The following VWA8 variants were observed in gnomAD, a reference collection of about 807,000 sequenced individuals.
The protein encoded by VWA8 is von Willebrand factor A domain-containing protein 8.
A neutral mutation model predicts 241.5 loss-of-function variants in VWA8; 221 were observed. The observed-to-expected ratio is 0.91, with a 90% confidence interval of 0.82 to 1.02. The LOEUF (loss-of-function observed/expected upper bound fraction) is 1.02. Ranked by LOEUF, VWA8 falls within the 50% of genes least tolerant of loss-of-function variation. VWA8 has a pLI of 0.00. For synonymous variants in VWA8, 852 were observed against 827.1 expected, an observed-to-expected ratio of 1.03 and a Z score of -0.52; for missense variants, 2,322 against 2,328.7, an observed-to-expected ratio of 1.00 and a Z score of 0.06.
intron 4 of VWA8, 121 bp downstream of exon 4, chr13:41,907,465 T>TAG: frequency 1.3e-6 from 1 of 767,542 alleles, no homozygotes; most frequent in Non-Finnish European, 2.1e-6. Flanking sequence ...TAAATCTGTC[T>TAG]AGAGAGAGCA....
At chr13:41,677,497 C>T (rs553159760) in intron 35 of VWA8, among the ~76,000 whole-genome samples, 2 of 152,246 alleles carry the variant, frequency 1.3e-5, no homozygotes, top group South Asian at 4.1e-4. Flanking sequence ...AACAATATGA[C>T]TTATTTGGGG....
rs368406393 is a variant in VWA8, at chr13:41,873,545, G to A, written c.1081-5068C>T. On this transcript the variant is annotated intron_variant, in intron 9 of 44. Transcript: ENST00000379310. ...GAAATACAAACTACCATCAGAGAAT[G>A]CTACAAACACCTCTACGCAAATAAA... Among the ~76,000 whole-genome samples, 63 of 152,100 alleles carry A rather than the reference G, an allele frequency of 4.1e-4. No homozygotes were observed. In the East Asian group the frequency reaches 0.011, roughly 27 times the overall value.
intron 40 of VWA8, among the ~76,000 whole-genome samples, chr13:41,600,446 T>C (rs2044513905): frequency 6.6e-6 from 1 of 152,104 alleles, no homozygotes; most frequent in African/African-American, 2.4e-5. Flanking sequence ...CTGTGACATG[T>C]AGACGTTCCT....
At chr13:41,902,222 A>G (rs1465330664) in intron 4 of VWA8, among the ~76,000 whole-genome samples, 9 of 152,270 alleles carry the variant, frequency 5.9e-5, no homozygotes, top group Admixed American at 1.3e-4. Context: ...ACTAAAAATC[A>G]TATCTTTGAG....
At chr13:41,847,105 G>T (rs977155076) in intron 12 of VWA8, among the ~76,000 whole-genome samples, 1 of 152,096 alleles carries the variant, frequency 6.6e-6, no homozygotes, top group African/African-American at 2.4e-5. Flanking sequence ...AAGAGAGAAA[G>T]AGAGAGAACC....
At chr13:41,616,233 A>G (rs2044619324) in intron 37 of VWA8, among the ~76,000 whole-genome samples, 1 of 152,154 alleles carries the variant, frequency 6.6e-6, no homozygotes, top group African/African-American at 2.4e-5. Flanking sequence ...TAAAATCAAG[A>G]CAACTTCTAC....
chr13:41,614,811 C>T (rs899121528), intron 38 of VWA8, among the ~76,000 whole-genome samples, 165 bp downstream of exon 38: 8 of 152,138 alleles, frequency 5.3e-5, no homozygotes, highest in African/African-American at 1.2e-4. Context: ...CTTCACATGC[C>T]TTGATGTCAC....
chr13:41,725,526 T>C (rs1006088363), intron 24 of VWA8, among the ~76,000 whole-genome samples: 1 of 152,108 alleles, frequency 6.6e-6, no homozygotes, highest in African/African-American at 2.4e-5. Context: ...GGGTCACATA[T>C]GTGTATACTG....
chr13:41,698,830 G>T (rs540149987), intron 29 of VWA8, among the ~76,000 whole-genome samples: 1 of 152,096 alleles, frequency 6.6e-6, no homozygotes, highest in African/African-American at 2.4e-5. Flanking sequence ...GATGTCAATA[G>T]TGTCGAGGTT....
intron 37 of VWA8, among the ~76,000 whole-genome samples, chr13:41,615,395 C>T (rs1566388520): frequency 6.6e-6 from 1 of 152,122 alleles, no homozygotes; most frequent in Non-Finnish European, 1.5e-5. Flanking sequence ...TGAGACTTAC[C>T]AGATGCAGGG....
chr13:41,623,890 T>C (rs1242073484), intron 37 of VWA8, among the ~76,000 whole-genome samples: 6 of 152,112 alleles, frequency 3.9e-5, no homozygotes, highest in Non-Finnish European at 4.4e-5. Context: ...GAAATTTCTT[T>C]CATAGGCATA....
chr13:41,780,751 T>A (rs1007725487), intron 19 of VWA8, among the ~76,000 whole-genome samples: 4 of 152,166 alleles, frequency 2.6e-5, no homozygotes, highest in African/African-American at 9.7e-5. Context: ...CTCCTAATAC[T>A]TTAGGAACAA....
chr13:41,586,162 TAA>T (rs59043149), intron 42 of VWA8, among the ~76,000 whole-genome samples: 5,680 of 135,134 alleles, frequency 0.042, 231 homozygotes, highest in African/African-American at 0.11. Flanking sequence ...CCATAAAGCA[TAA>T]AAAAAAAAAA....
chr13:41,846,095 A>C lies in VWA8; in HGVS notation c.1426-12564T>G, dbSNP rs1337965495. On this transcript the variant is annotated intron_variant, in intron 12 of 44. Transcript: ENST00000379310. ...AGGTCTCCCTACATTGTCCTGGCTA[A>C]CTATTCATAAGCACTAATAGTGTAC... 4.0e-5 allele frequency among the ~76,000 whole-genome samples: 6 copies of C among 151,834 alleles called. No individual in the cohort carries two copies. In the East Asian group the frequency reaches 9.6e-4, roughly 24 times the overall value.
chr13:41,662,598 A>C (rs2044958036), intron 37 of VWA8, among the ~76,000 whole-genome samples: 1 of 151,112 alleles, frequency 6.6e-6, no homozygotes, highest in African/African-American at 2.4e-5. Context: ...TGTTGTTTGC[A>C]AATAGGGACA....
intron 37 of VWA8, among the ~76,000 whole-genome samples, chr13:41,631,858 A>G (rs1284303674): frequency 6.6e-6 from 1 of 152,176 alleles, no homozygotes; most frequent in Non-Finnish European, 1.5e-5. Context: ...GGTTTACTGC[A>G]TGGAAATGCA....
intron 12 of VWA8, among the ~76,000 whole-genome samples, chr13:41,836,939 G>C (rs1871759302): frequency 6.6e-6 from 1 of 152,062 alleles, no homozygotes; most frequent in African/African-American, 2.4e-5. Flanking sequence ...TTTCTTAGAA[G>C]ACTAGCTCAG....
intron 27 of VWA8, 62 bp downstream of exon 27, chr13:41,703,241 G>A (rs2045261210): frequency 7.6e-7 from 1 of 1,311,494 alleles, no homozygotes; most frequent in Non-Finnish European, 1.1e-6. Context: ...ATTATCTCCA[G>A]GGAAGATACA....
chr13:41,575,822 T>A lies in VWA8; in HGVS notation c.5288A>T (p.His1763Leu). ...EEKFQYDIVG[H>L]SGDGYNIGLV... is the part of the protein sequence containing the mutation. ...ACCAATGTTGTAGCCATCTCCAGAG[T>A]GTCCAACGATGTCATACTACATGCA... is the stretch of plus-strand genomic sequence containing the variant. The change falls in exon 43 of 45, where the codon CAC becomes CTC. Residue 1763 changes from histidine (H) to leucine (L), a missense_variant. Coordinates refer to ENST00000379310, the MANE Select transcript of VWA8 (RefSeq NM_015058.2). The A allele has an allele frequency of 6.2e-7, 1 of 1,611,816 alleles. No individual in the cohort carries two copies. Among genetic ancestry groups the A allele is most frequent in the Non-Finnish European group, 8.5e-7 (1 of 1,179,468 alleles).
Sources: gnomAD v4.1 joint callset for allele counts (sites outside exome capture counted in the v4.1 genomes callset) on GRCh38, gnomAD v4.1.1 for gene constraint, MANE v1.5 for transcripts, NCBI Gene and HGNC (gene_info 2026-07-23, HGNC 2026-07-21) for gene names.